Variants in DPF3 observed in about 807,000 individuals in gnomAD.
DPF3 encodes zinc finger protein DPF3.
In DPF3, 18 loss-of-function variants were observed where a neutral mutation model predicts 56.8. The observed-to-expected ratio is 0.32, with a 90% CI of 0.22 to 0.47. DPF3 has a LOEUF of 0.47. DPF3 is among the 20% of genes least tolerant of loss of function. DPF3 has a pLI of 1.00. For synonymous variants in DPF3, 188 were observed against 180.2 expected (o/e 1.04, Z -0.35); for missense variants, 403 against 488.8 (o/e 0.82, Z 1.65).
At chr14:72,750,875 A>G (rs1245520827) in intron 3 of DPF3, among the ~76,000 whole-genome samples, 1 of 151,282 alleles carries the variant, frequency 6.6e-6, no homozygotes, top group Non-Finnish European at 1.5e-5. Flanking sequence ...GATACAGTAT[A>G]TCCTTTTATC....
At chr14:72,732,333 A>T (rs1378290517) in intron 3 of DPF3, among the ~76,000 whole-genome samples, 1 of 152,198 alleles carries the variant, frequency 6.6e-6, no homozygotes, top group Admixed American at 6.5e-5. Flanking sequence ...ACATGTGTTC[A>T]TTTGCGGGAA....
intron 1 of DPF3, among the ~76,000 whole-genome samples, chr14:72,872,225 C>T (rs966577319): frequency 2.0e-5 from 3 of 152,152 alleles, no homozygotes; most frequent in Non-Finnish European, 4.4e-5. Flanking sequence ...TGGGCACCCA[C>T]GAAACTTCTT....
At chr14:72,777,027 C>T (rs1891771653) in intron 1 of DPF3, among the ~76,000 whole-genome samples, 1 of 152,184 alleles carries the variant, frequency 6.6e-6, no homozygotes, top group Non-Finnish European at 1.5e-5. Context: ...GTCCCCTTTG[C>T]TGTGTAAACA....
At chr14:72,634,555 C>T (rs1885333491) in intron 8 of DPF3, among the ~76,000 whole-genome samples, 1 of 152,098 alleles carries the variant, frequency 6.6e-6, no homozygotes, top group African/African-American at 2.4e-5. Flanking sequence ...AAAAGAGGCA[C>T]ATGGCTATAA....
intron 1 of DPF3, among the ~76,000 whole-genome samples, chr14:72,823,618 G>A (rs113115669): frequency 3.9e-5 from 6 of 152,170 alleles, no homozygotes; most frequent in African/African-American, 1.2e-4. Flanking sequence ...TTCTGCACTC[G>A]ATCCTGCTCC....
intron 8 of DPF3, among the ~76,000 whole-genome samples, chr14:72,639,495 C>T (rs920420175): frequency 2.6e-5 from 4 of 152,302 alleles, no homozygotes; most frequent in South Asian, 2.1e-4. Flanking sequence ...TTTCATCTTC[C>T]GAATCCTCTC....
At chr14:72,774,559 C>T (rs1481169285) in intron 1 of DPF3, among the ~76,000 whole-genome samples, 1 of 152,112 alleles carries the variant, frequency 6.6e-6, no homozygotes, top group Non-Finnish European at 1.5e-5. Context: ...AAATATCTTA[C>T]TGTGGGAAAA....
intron 1 of DPF3, among the ~76,000 whole-genome samples, chr14:72,772,639 T>G (rs561981264): frequency 1.3e-5 from 2 of 152,198 alleles, no homozygotes; most frequent in African/African-American, 4.8e-5. Flanking sequence ...GCACAGTATA[T>G]TTTACGTTCC....
At chr14:72,803,211 G>A (rs574548885) in intron 1 of DPF3, among the ~76,000 whole-genome samples, 1 of 152,258 alleles carries the variant, frequency 6.6e-6, no homozygotes, top group South Asian at 2.1e-4. Context: ...CTGTCCCCTG[G>A]CTTCAAATGA....
At chr14:72,881,960 TA>T in intron 1 of DPF3, among the ~76,000 whole-genome samples, 1 of 152,264 alleles carries the variant, frequency 6.6e-6, no homozygotes, top group African/African-American at 2.4e-5. Context: ...GGGGGGAAGA[TA>T]AGGATGAAGA....
chr14:72,844,079 T>TTATGCCCG (rs916805888), intron 1 of DPF3, among the ~76,000 whole-genome samples: 3 of 152,228 alleles, frequency 2.0e-5, no homozygotes, highest in Non-Finnish European at 2.9e-5. Context: ...TAAGCATTTC[T>TTATGCCCG]TATGCCCGTA....
At chr14:72,761,828 G>A (rs988262002) in intron 2 of DPF3, among the ~76,000 whole-genome samples, 1 of 151,878 alleles carries the variant, frequency 6.6e-6, no homozygotes, top group African/African-American at 2.4e-5. Flanking sequence ...GAATGATGAG[G>A]TAAAAAATAA....
intron 1 of DPF3, among the ~76,000 whole-genome samples, chr14:72,817,862 T>A (rs141507287): frequency 6.6e-6 from 1 of 152,344 alleles, no homozygotes; most frequent in Non-Finnish European, 1.5e-5. Context: ...TAACTGGATA[T>A]CCATATTTTA....
intron 1 of DPF3, among the ~76,000 whole-genome samples, chr14:72,808,843 A>T (rs1882906204): frequency 6.6e-6 from 1 of 152,202 alleles, no homozygotes; most frequent in Non-Finnish European, 1.5e-5. Context: ...GGATTTTGGC[A>T]TTCTTAGGAG....
At chr14:72,868,944 C>T (rs1187783885) in intron 1 of DPF3, among the ~76,000 whole-genome samples, 1 of 152,214 alleles carries the variant, frequency 6.6e-6, no homozygotes, top group African/African-American at 2.4e-5. Context: ...AAGTCCCTTT[C>T]CTAACTTCAA....
rs2153565120 is a variant in DPF3 at position 72,613,617 on chromosome 14, T to C, written c.*5680A>G. Reference sequence around the variant, plus strand: ...CCTGGGGAGTCACCTCAGGACCCCCTCACAGCCAGGGCTCACTCAGAACCC... The same window carrying C: ...CCTGGGGAGTCACCTCAGGACCCCCCCACAGCCAGGGCTCACTCAGAACCC... On this transcript the variant is annotated 3_prime_UTR_variant, in exon 11 of 11. Coordinates refer to ENST00000556509, the MANE Select transcript of DPF3 (RefSeq NM_001280542.3). 6.6e-6 allele frequency among the ~76,000 whole-genome samples: 1 copy of C among 152,222 alleles called. No individual in the cohort carries two copies. Among genetic ancestry groups the C allele is most frequent in the South Asian group, 2.1e-4 (1 of 4,822 alleles).
At chr14:72,874,166 A>C (rs554889119) in intron 1 of DPF3, among the ~76,000 whole-genome samples, 12 of 143,644 alleles carry the variant, frequency 8.4e-5, no homozygotes, top group African/African-American at 2.9e-4. Context: ...GAAATCAATA[A>C]GAAAAAAAAA....
At chr14:72,830,646 G>T (rs1884014640) in intron 1 of DPF3, among the ~76,000 whole-genome samples, 1 of 152,150 alleles carries the variant, frequency 6.6e-6, no homozygotes, top group Admixed American at 6.5e-5. Context: ...GGGAACGGAA[G>T]TATGACATTA....
intron 1 of DPF3, among the ~76,000 whole-genome samples, chr14:72,827,682 G>T (rs192715010): frequency 3.3e-5 from 5 of 151,684 alleles, no homozygotes; most frequent in Admixed American, 1.3e-4. Flanking sequence ...GCTTCTCCAT[G>T]TTGGCCAGGC....
Sources: allele counts gnomAD v4.1 joint callset (sites outside exome capture counted in the v4.1 genomes callset), GRCh38; gene constraint gnomAD v4.1.1; transcripts MANE v1.5; gene names NCBI Gene and HGNC (gene_info 2026-07-23, HGNC 2026-07-21).